The following MLH3 variants were observed in gnomAD, a reference collection of about 807,000 sequenced individuals.
The protein encoded by MLH3 is DNA mismatch repair protein Mlh3.
Under a neutral mutation model 122.2 loss-of-function variants are expected in MLH3, and 82 were observed. The observed-to-expected ratio is 0.67, with a 90% CI of 0.56 to 0.81. MLH3 has a LOEUF of 0.81. Among genes scored for constraint, MLH3 ranks in the 30% least tolerant of loss-of-function variants. MLH3 has a pLI of 0.00. For synonymous variants in MLH3, 524 were observed against 599.5 expected (o/e 0.87, Z 1.84); for missense variants, 1,539 against 1,714.5 (o/e 0.90, Z 1.81).
At position 75,046,539 on chromosome 14, in the gene MLH3, C is replaced by A. The variant is rs752980464; in HGVS notation, c.3117G>T (p.Thr1039=). The change falls in exon 2 of 13, where the codon ACG becomes ACT. Residue 1039 remains threonine (T), a synonymous_variant. Coordinates refer to ENST00000355774, the MANE Select transcript of MLH3 (RefSeq NM_001040108.2). ...RACSETEESN[T]CCSDWQRHFD... is the part of the protein sequence containing the mutation. ...AATGCCGCTGCCAATCTGAACAACA[C>A]GTGTTTGACTCTTCAGTTTCAGAAC... is the stretch of plus-strand genomic sequence containing the variant. 7.4e-6 allele frequency: 12 copies of A among 1,614,068 alleles called. No individual in the cohort carries two copies. The highest frequency in any genetic ancestry group is 1.0e-5 in the Non-Finnish European group (12 of 1,180,050).
intron 9 of MLH3, among the ~76,000 whole-genome samples, chr14:75,026,460 A>T: frequency 6.6e-6 from 1 of 152,246 alleles, no homozygotes; most frequent in East Asian, 1.9e-4. Context: ...AAGTGAGGAG[A>T]TTTCACAGAA....
rs2139574307 is a variant in MLH3 at position 75,047,781 on chromosome 14, A to G, written c.1875T>C (p.His625=). 1 of 1,614,068 alleles carries G rather than the reference A, an allele frequency of 6.2e-7. No homozygotes were observed. The highest frequency in any genetic ancestry group is 8.5e-7 in the Non-Finnish European group (1 of 1,179,962). Residue 625 remains histidine (H), a synonymous_variant, in exon 2 of 13, where the codon CAT becomes CAC. Coordinates refer to ENST00000355774, the MANE Select transcript of MLH3 (RefSeq NM_001040108.2). The part of the protein sequence containing the change: ...NEKTKSTETE[H]SFKNYVRPGP... ...CAGGTCTAACATAATTTTTAAATGA[A>G]TGTTCTGTTTCAGTTGATTTAGTTT...
intron 6 of MLH3, among the ~76,000 whole-genome samples, chr14:75,034,756 T>G (rs1279447641): frequency 6.6e-6 from 1 of 152,022 alleles, no homozygotes; most frequent in Non-Finnish European, 1.5e-5. Flanking sequence ...ACATACCCCC[T>G]GGGGATCTTA....
chr14:75,038,003 G>A (rs1233998582), intron 6 of MLH3, among the ~76,000 whole-genome samples: 2 of 152,226 alleles, frequency 1.3e-5, no homozygotes, highest in East Asian at 3.9e-4. Flanking sequence ...AAGTTCAAGC[G>A]ATTCTTGTGC....
At position 75,047,431 on chromosome 14, in the gene MLH3, C is replaced by G. The variant is rs375623365; in HGVS notation, c.2225G>C (p.Arg742Pro). The G allele has an allele frequency of 6.2e-7, 1 of 1,614,080 alleles. No individual in the cohort carries two copies. Among genetic ancestry groups the G allele is most frequent in the African/African-American group, 1.3e-5 (1 of 75,044 alleles). Residue 742 changes from arginine to proline, a missense_variant, in exon 2 of 13, where the codon CGT becomes CCT. Transcript: ENST00000355774. ...CTGTGAACTCAAGCTTAGCTTCTTA[C>G]GGACGATTGGTTTGGAGAAACCAAT... is the stretch of plus-strand genomic sequence containing the variant. ...KLIGFSKPIV[R>P]KKLSLSSQLG...
chr14:75,045,615 TC>T (rs929861936), intron 2 of MLH3, among the ~76,000 whole-genome samples: 7 of 152,108 alleles, frequency 4.6e-5, no homozygotes, highest in African/African-American at 1.7e-4. Context: ...CAGAGAAACT[TC>T]CAGTAAAATA....
At chr14:75,023,167 T>A in intron 9 of MLH3, 149 bp from the exon 10 acceptor site, 1 of 882,982 alleles carries the variant, frequency 1.1e-6, no homozygotes, top group Non-Finnish European at 1.9e-6. Flanking sequence ...CAAATTTATT[T>A]GTTGTAAGGC....
At chr14:75,041,467 T>C (rs994572737) in intron 4 of MLH3, 148 bp downstream of exon 4, 3 of 687,442 alleles carry the variant, frequency 4.4e-6, no homozygotes, top group Non-Finnish European at 7.7e-6. Flanking sequence ...GAGAATTGCT[T>C]GAACCTGGGA....
intron 5 of MLH3, among the ~76,000 whole-genome samples, chr14:75,038,783 A>G (rs175076): frequency 0.49 from 74,056 of 152,054 alleles, 18,494 homozygotes; most frequent in Middle Eastern, 0.57. Context: ...TAAAATTTAT[A>G]TGAAAGCAAG....
At chr14:75,031,112 T>C (rs753088834) in intron 8 of MLH3, among the ~76,000 whole-genome samples, 2 of 152,174 alleles carry the variant, frequency 1.3e-5, no homozygotes, top group Non-Finnish European at 2.9e-5. Context: ...GGGATGTAAG[T>C]AAATAGATCT....
At chr14:75,030,025 G>A (rs1195739825) in intron 9 of MLH3, among the ~76,000 whole-genome samples, 11 of 152,030 alleles carry the variant, frequency 7.2e-5, no homozygotes, top group Admixed American at 2.6e-4. Context: ...ATGGTGGTGC[G>A]TGTCTGTAGT....
chr14:75,036,685 T>C (rs1463195671), intron 6 of MLH3: 3 of 456,062 alleles, frequency 6.6e-6, no homozygotes, highest in South Asian at 4.6e-5. Context: ...ACTGAACTCA[T>C]GATTTTCATC....
In MLH3 at chr14:75,015,200, T is replaced by C. The variant is rs1476601522; in HGVS notation, c.*1882A>G. ...CTAACAGGCGATAAAGGTAATCTAT[T>C]AGATATTTTTCCCTAATAGGTTGTT... On this transcript the variant is annotated 3_prime_UTR_variant, in exon 13 of 13. Coordinates refer to ENST00000355774, the MANE Select transcript of MLH3 (RefSeq NM_001040108.2). The C allele has an allele frequency of 5.7e-6, 1 of 176,800 alleles. No homozygotes were observed. Among genetic ancestry groups the C allele is most frequent in the African/African-American group, 2.4e-5 (1 of 42,228 alleles). 11.0% of individuals were successfully genotyped at this position (176,800 alleles called of 1,614,324 possible).
At chr14:75,028,289 G>A (rs1428026928) in intron 9 of MLH3, among the ~76,000 whole-genome samples, 2 of 152,068 alleles carry the variant, frequency 1.3e-5, no homozygotes, top group South Asian at 4.1e-4. Flanking sequence ...TTCACTGGCT[G>A]CCTATAGGAT....
intron 2 of MLH3, 101 bp downstream of exon 2, chr14:75,046,275 C>G: frequency 8.4e-7 from 1 of 1,190,658 alleles, no homozygotes; most frequent in Non-Finnish European, 1.2e-6. Flanking sequence ...TCAAAATGTT[C>G]TATCTGTTGA....
intron 11 of MLH3, among the ~76,000 whole-genome samples, chr14:75,022,335 A>G (rs778094105): frequency 1.3e-5 from 2 of 152,212 alleles, no homozygotes; most frequent in Non-Finnish European, 2.9e-5. Flanking sequence ...AAGATAAAAA[A>G]AGAACGCTTG....
rs143316827 is a variant in MLH3 at position 75,046,735 on chromosome 14, T to C, written c.2921A>G (p.Tyr974Cys). 1.4e-5 allele frequency: 23 copies of C among 1,614,068 alleles called. No homozygotes were observed. Among genetic ancestry groups the C allele is most frequent in the Admixed American group, 1.3e-4 (8 of 60,006 alleles). ...TTTACCGGTAACTTTAGAATTATTATAGGGCAATACCAAAGGAGTTTCTGA... is the reference window on the plus strand; with the variant it reads ...TTTACCGGTAACTTTAGAATTATTACAGGGCAATACCAAAGGAGTTTCTGA... ...VISETPLVLP[Y>C]NNSKVTGKDS... Residue 974 changes from tyrosine (Y) to cysteine (C), a missense_variant, in exon 2 of 13, where the codon TAT becomes TGT. By Grantham distance (194) the Tyr-to-Cys change is radical (BLOSUM62 -2). Transcript: ENST00000355774.
At chr14:75,019,030 C>A in intron 11 of MLH3, 50 bp from the exon 12 acceptor site, 1 of 1,535,934 alleles carries the variant, frequency 6.5e-7, no homozygotes, top group Non-Finnish European at 9.0e-7. Flanking sequence ...AGTGGGAAAC[C>A]AATGCTGACC....
rs916665768 is a variant in MLH3 at position 75,048,403 on chromosome 14, T to A, written c.1253A>T (p.Glu418Val). Residue 418 changes from glutamate to valine, a missense_variant, in exon 2 of 13, where the codon GAA (glutamate) becomes GTA (valine). Physicochemically the swap from Glu to Val is moderately radical, Grantham distance 121. Transcript: ENST00000355774. The stretch of plus-strand genomic sequence containing the variant: ...CCTAGAACTCTGTGTGTTTACGTTT[T>A]CTGCAGTAGTTTTTCTTTTCACAGC... ...SKAVKRKTTAENVNTQSSRDS... is the reference protein window; with the variant it reads ...SKAVKRKTTAVNVNTQSSRDS... 6.2e-7 allele frequency: 1 copy of A among 1,608,042 alleles called. No homozygotes were observed. Among genetic ancestry groups the A allele is most frequent in the African/African-American group, 1.3e-5 (1 of 74,452 alleles).
Sources: allele counts gnomAD v4.1 joint callset (sites outside exome capture counted in the v4.1 genomes callset), GRCh38; gene constraint gnomAD v4.1.1; transcripts MANE v1.5; gene names NCBI Gene and HGNC (gene_info 2026-07-23, HGNC 2026-07-21).